Variants in C1QTNF3 observed in about 807,000 individuals in gnomAD.
C1QTNF3 encodes the protein complement C1q tumor necrosis factor-related protein 3.
C1QTNF3 carries 26 observed loss-of-function variants against 32.6 expected under a neutral mutation model. The ratio of observed to expected loss-of-function variants is 0.80; its 90% CI spans 0.58 to 1.11. The LOEUF is 1.11. Among genes scored for constraint, C1QTNF3 ranks in the 50% least tolerant of loss-of-function variants. The probability of loss-of-function intolerance (pLI) is 0.00; values close to 1 mark genes in which losing one functional copy is unlikely to be tolerated. For missense variants in C1QTNF3, 362 were observed against 398.2 expected, an observed-to-expected ratio of 0.91 and a Z score of 0.77; for synonymous variants, 155 against 146.0, an observed-to-expected ratio of 1.06 and a Z score of -0.44.
the C1QTNF3 span, among the ~76,000 whole-genome samples, chr5:34,217,493 C>A: frequency 1.5e-4 from 23 of 152,076 alleles, no homozygotes; most frequent in Admixed American, 1.4e-3. Flanking sequence ...TGATTTCATG[C>A]TTCTAGCCAC....
the C1QTNF3 span, among the ~76,000 whole-genome samples, chr5:34,052,860 T>C: frequency 6.6e-6 from 1 of 152,220 alleles, no homozygotes; most frequent in Non-Finnish European, 1.5e-5. Context: ...ATTTGAGTCA[T>C]TAAACCTATT....
the C1QTNF3 span, among the ~76,000 whole-genome samples, chr5:34,204,691 T>C: frequency 6.6e-6 from 1 of 151,116 alleles, no homozygotes; most frequent in African/African-American, 2.4e-5. Context: ...TTCAACACTA[T>C]GTACTTTATG....
chr5:34,234,219 G>C, the C1QTNF3 span, among the ~76,000 whole-genome samples: 1 of 152,044 alleles, frequency 6.6e-6, no homozygotes, highest in Non-Finnish European at 1.5e-5. Context: ...ACACTGAATA[G>C]CTTAAACCAA....
the C1QTNF3 span, among the ~76,000 whole-genome samples, chr5:34,146,534 T>C: frequency 6.6e-6 from 1 of 152,196 alleles, no homozygotes; most frequent in Non-Finnish European, 1.5e-5. Context: ...TCACCTGATC[T>C]TCAACAAGGT....
chr5:34,147,299 T>C, the C1QTNF3 span, among the ~76,000 whole-genome samples: 1 of 152,226 alleles, frequency 6.6e-6, no homozygotes, highest in South Asian at 2.1e-4. Context: ...CCAGCAATCC[T>C]ATCATTGCAT....
chr5:34,204,100 ATTAAAT>A, the C1QTNF3 span, among the ~76,000 whole-genome samples: 1 of 152,092 alleles, frequency 6.6e-6, no homozygotes, highest in African/African-American at 2.4e-5. Flanking sequence ...CACTCACAGC[ATTAAAT>A]GTTATCATCA....
At chr5:34,059,871 T>C in the C1QTNF3 span, among the ~76,000 whole-genome samples, 1 of 152,190 alleles carries the variant, frequency 6.6e-6, no homozygotes, top group African/African-American at 2.4e-5. Flanking sequence ...ACCTCAGGCC[T>C]TAGCATCCCT....
At chr5:34,210,407 A>AT in the C1QTNF3 span, among the ~76,000 whole-genome samples, 35 of 151,822 alleles carry the variant, frequency 2.3e-4, no homozygotes, top group African/African-American at 8.2e-4. Context: ...TTTTGTAATA[A>AT]TTTTTTCTCA....
chr5:34,231,134 T>C, the C1QTNF3 span, among the ~76,000 whole-genome samples: 5 of 152,140 alleles, frequency 3.3e-5, no homozygotes, highest in Admixed American at 2.6e-4. Context: ...TGTACTTTCT[T>C]GGCACAGGGT....
the C1QTNF3 span, among the ~76,000 whole-genome samples, chr5:34,115,518 C>A: frequency 6.6e-6 from 1 of 152,188 alleles, no homozygotes; most frequent in African/African-American, 2.4e-5. Flanking sequence ...ATCACAAGGT[C>A]AGGAGATCGA....
chr5:34,103,552 C>A, the C1QTNF3 span, among the ~76,000 whole-genome samples: 1 of 143,920 alleles, frequency 6.9e-6, no homozygotes. Flanking sequence ...GACGCGGTGG[C>A]TCACGTCTAT....
At chr5:34,044,773 C>A (rs1039727468), upstream of C1QTNF3, among the ~76,000 whole-genome samples, 1 of 152,180 alleles carries the variant, frequency 6.6e-6, no homozygotes, top group Non-Finnish European at 1.5e-5. Context: ...CCTAGTAGGG[C>A]ATAAAAATTC....
the C1QTNF3 span, among the ~76,000 whole-genome samples, chr5:34,073,222 G>A: frequency 6.6e-6 from 1 of 151,928 alleles, no homozygotes; most frequent in Admixed American, 6.6e-5. Flanking sequence ...AGCTACTAGG[G>A]AAGCTGAGGC....
At chr5:34,157,469 G>A in the C1QTNF3 span, among the ~76,000 whole-genome samples, 1 of 152,134 alleles carries the variant, frequency 6.6e-6, no homozygotes. Context: ...TTGCATTGTT[G>A]TCCCCAAAAT....
At chr5:34,102,571 T>G in the C1QTNF3 span, among the ~76,000 whole-genome samples, 1 of 151,834 alleles carries the variant, frequency 6.6e-6, no homozygotes, top group Admixed American at 6.6e-5. Context: ...TTTGCCAAAA[T>G]GAACTGTAAG....
chr5:34,039,799 T>C (rs1392695002), intron 1 of C1QTNF3, among the ~76,000 whole-genome samples: 1 of 152,208 alleles, frequency 6.6e-6, no homozygotes, highest in East Asian at 1.9e-4. Context: ...CCTCAAATAA[T>C]AATTTAGAAA....
the C1QTNF3 span, among the ~76,000 whole-genome samples, chr5:34,178,139 A>G: frequency 2.1e-5 from 3 of 144,432 alleles, no homozygotes; most frequent in South Asian, 2.2e-4. Context: ...AAATTAGGTG[A>G]GCATGGTGGT....
intron 1 of C1QTNF3, among the ~76,000 whole-genome samples, chr5:34,040,076 T>C (rs1180909450): frequency 1.3e-5 from 2 of 152,242 alleles, no homozygotes; most frequent in Non-Finnish European, 2.9e-5. Context: ...TTTGCATTGT[T>C]GAGTCTTTTG....
chr5:34,232,135 G>T, the C1QTNF3 span, among the ~76,000 whole-genome samples: 1 of 148,608 alleles, frequency 6.7e-6, no homozygotes, highest in African/African-American at 2.5e-5. Flanking sequence ...GTCGGGTTTT[G>T]GACTTGCATG....
Sources: gnomAD v4.1 joint callset for allele counts (sites outside exome capture counted in the v4.1 genomes callset) on GRCh38, gnomAD v4.1.1 for gene constraint, MANE v1.5 for transcripts, NCBI Gene and HGNC (gene_info 2026-07-23, HGNC 2026-07-21) for gene names.